The following ACTR10 variants were observed in gnomAD, a reference collection of about 807,000 sequenced individuals.
The protein encoded by ACTR10 is actin related protein 10, also known as actin-related protein 10.
ACTR10 carries 43 observed loss-of-function variants against 56.2 expected under a neutral mutation model. The observed-to-expected ratio is 0.77, with a 90% CI of 0.60 to 0.99. ACTR10 has a LOEUF of 0.99. ACTR10 is among the 50% of genes least tolerant of loss of function. The probability of loss-of-function intolerance (pLI) is 0.00; values close to 1 mark genes in which losing one functional copy is unlikely to be tolerated. For missense variants in ACTR10, 466 were observed against 507.8 expected (o/e 0.92, Z 0.79); for synonymous variants, 170 against 176.3 (o/e 0.96, Z 0.28).
In ACTR10 at chr14:58,209,048, G is replaced by C; in HGVS notation, c.283G>C (p.Val95Leu). ...CCGCCGAGTTGTGATTATCGAATCG[G>C]TATTATGTCCTTCTCACTTCAGAGA... ...RDRRVVIIES[V>L]LCPSHFRETL... The change falls in exon 4 of 13, where the codon GTA (valine) becomes CTA (leucine). Residue 95 changes from valine (V) to leucine (L), a missense_variant. Val to Leu is a conservative substitution (Grantham distance 32). Coordinates refer to ENST00000254286, the MANE Select transcript of ACTR10 (RefSeq NM_018477.3). The C allele has an allele frequency of 6.2e-7, 1 of 1,612,538 alleles. No individual in the cohort carries two copies. Among genetic ancestry groups the C allele is most frequent in the Non-Finnish European group, 8.5e-7 (1 of 1,179,194 alleles).
Position 58,208,026 on chromosome 14 carries a change from A to G in ACTR10, c.233+8A>G. On this transcript the variant is annotated splice_region_variant and intron_variant, in intron 3 of 12. Coordinates refer to ENST00000254286, the MANE Select transcript of ACTR10 (RefSeq NM_018477.3). ...CCACATACTATATTTCAGGTAAGAT[A>G]CATTTTGTTTTCTAGCTTTTATGAT... The G allele has an allele frequency of 2.0e-6, 3 of 1,503,374 alleles. No homozygotes were observed. Among genetic ancestry groups the G allele is most frequent in the Non-Finnish European group, 1.8e-6 (2 of 1,133,556 alleles). 93.1% of individuals were successfully genotyped at this position (1,503,374 alleles called of 1,614,324 possible). A position where few individuals can be genotyped will look rare whatever the true frequency, so the allele number is the denominator to read the frequency against.
intron 2 of ACTR10, among the ~76,000 whole-genome samples, chr14:58,204,183 C>T (rs1010473307): frequency 6.6e-6 from 1 of 150,730 alleles, no homozygotes; most frequent in Non-Finnish European, 1.5e-5. Context: ...AGATCGAGAC[C>T]ATCCTGGCTA....
chr14:58,213,842 A>G, intron 6 of ACTR10, 144 bp downstream of exon 6: 1 of 591,076 alleles, frequency 1.7e-6, no homozygotes, highest in Non-Finnish European at 2.8e-6. Context: ...CTTCGAGTAT[A>G]TTCATTTTTT....
rs1198727665 is a variant in ACTR10 at position 58,232,313 on chromosome 14, C to G, written c.1072+46C>G. ...ATATAATGATTATATAGTATTTGGT[C>G]TCTGAATGACACTATTAATGGATAT... is the stretch of plus-strand genomic sequence containing the variant. On this transcript the variant is annotated intron_variant, in intron 12 of 12. Coordinates refer to ENST00000254286, the MANE Select transcript of ACTR10 (RefSeq NM_018477.3). 4.2e-6 allele frequency: 6 copies of G among 1,443,290 alleles called. No individual in the cohort carries two copies. The African/African-American group carries it at 8.6e-5, about 21-fold the overall frequency. The allele number at this position is 1,443,290 out of a possible 1,614,324, so 89.4% of individuals were successfully genotyped here. A position where few individuals can be genotyped will look rare whatever the true frequency, so the allele number is the denominator to read the frequency against.
intron 7 of ACTR10, among the ~76,000 whole-genome samples, chr14:58,216,509 T>G (rs1266349002): frequency 6.6e-6 from 1 of 152,210 alleles, no homozygotes; most frequent in African/African-American, 2.4e-5. Context: ...AAATCCAAAT[T>G]ATCTGTTGGA....
chr14:58,223,782 G>T lies in ACTR10; in HGVS notation c.715-1G>T. ...TTATGTTTATGATATTTATATTTCA[G>T]CGTCCCTCCCCACCCCCAAATGTTG... On this transcript the variant is annotated splice_acceptor_variant, in intron 9 of 12. Transcript: ENST00000254286. LOFTEE classifies it high-confidence loss of function. 1 of 1,612,330 alleles carries T rather than the reference G, an allele frequency of 6.2e-7. No homozygotes were observed. The highest frequency in any genetic ancestry group is 8.5e-7 in the Non-Finnish European group (1 of 1,178,996).
chr14:58,200,245 G>A lies in ACTR10; in HGVS notation c.28G>A (p.Gly10Ser). Residue 10 changes from glycine to serine, a missense_variant, in exon 1 of 13, where the codon GGC (glycine) becomes AGC (serine). Physicochemically the swap from Gly to Ser is moderately conservative, Grantham distance 56. Coordinates refer to ENST00000254286, the MANE Select transcript of ACTR10 (RefSeq NM_018477.3). Reference sequence around the variant, plus strand: ...GCCGCTCTACGAGGGCCTGGGGAGCGGCGGGGAGAAGACGGCGGTCGTGAT... The same window carrying A: ...GCCGCTCTACGAGGGCCTGGGGAGCAGCGGGGAGAAGACGGCGGTCGTGAT... MPLYEGLGS[G>S]GEKTAVVIDL... 2.6e-6 allele frequency: 4 copies of A among 1,520,706 alleles called. No homozygotes were observed. Among genetic ancestry groups the A allele is most frequent in the Non-Finnish European group, 3.5e-6 (4 of 1,137,140 alleles). The allele number at this position is 1,520,706 out of a possible 1,614,324, so 94.2% of individuals were successfully genotyped here.
intron 7 of ACTR10, among the ~76,000 whole-genome samples, chr14:58,219,010 A>AAG (rs1220377470): frequency 2.0e-5 from 3 of 152,026 alleles, no homozygotes; most frequent in African/African-American, 7.2e-5. Context: ...AGTAGAGACG[A>AAG]GGTTTCTCCA....
chr14:58,201,259 ATTG>A (rs1888697542), intron 1 of ACTR10, among the ~76,000 whole-genome samples: 2 of 152,170 alleles, frequency 1.3e-5, no homozygotes, highest in South Asian at 2.1e-4. Context: ...ACATTCTCTT[ATTG>A]TTCTATGCGA....
intron 10 of ACTR10, among the ~76,000 whole-genome samples, chr14:58,226,994 GTTAT>G (rs1434084574): frequency 6.6e-6 from 1 of 152,086 alleles, no homozygotes; most frequent in African/African-American, 2.4e-5. Context: ...CAAAAAAAGG[GTTAT>G]TTAAAGGAAA....
intron 4 of ACTR10, chr14:58,210,941 C>T: frequency 5.7e-6 from 1 of 175,234 alleles, no homozygotes; most frequent in South Asian, 1.2e-4. Flanking sequence ...TCCCAAAGTG[C>T]TGGGATTACA....
chr14:58,207,861 A>T, intron 2 of ACTR10, 75 bp from the exon 3 acceptor site: 1 of 886,378 alleles, frequency 1.1e-6, no homozygotes, highest in Non-Finnish European at 1.5e-6. Context: ...ATGTATTAGT[A>T]AATAATTACA....
chr14:58,200,347 G>C (rs1888675555), intron 1 of ACTR10, 53 bp downstream of exon 1: 1 of 1,428,592 alleles, frequency 7.0e-7, no homozygotes. Context: ...GCGGGTGGCA[G>C]AGCCCCAGGC....
chr14:58,216,269 C>T (rs1260224389), intron 7 of ACTR10, among the ~76,000 whole-genome samples: 3 of 152,068 alleles, frequency 2.0e-5, no homozygotes, highest in Non-Finnish European at 4.4e-5. Flanking sequence ...GGACTACAGG[C>T]GCAAGCCACC....
At chr14:58,201,031 T>C (rs1888692850) in intron 1 of ACTR10, among the ~76,000 whole-genome samples, 1 of 152,242 alleles carries the variant, frequency 6.6e-6, no homozygotes, top group Non-Finnish European at 1.5e-5. Context: ...TTAAGAGTCC[T>C]TGTGATGGGC....
intron 2 of ACTR10, among the ~76,000 whole-genome samples, chr14:58,204,164 G>A (rs1300645187): frequency 6.6e-6 from 1 of 151,108 alleles, no homozygotes; most frequent in African/African-American, 2.4e-5. Context: ...GGCAGATCAC[G>A]AGGTCAGGAG....
intron 2 of ACTR10, among the ~76,000 whole-genome samples, chr14:58,206,320 C>G (rs1040946676): frequency 6.6e-6 from 1 of 151,086 alleles, no homozygotes; most frequent in Non-Finnish European, 1.5e-5. Context: ...GAATTACAGG[C>G]GCCCTCCACC....
At chr14:58,207,435 C>A (rs1477811692) in intron 2 of ACTR10, among the ~76,000 whole-genome samples, 1 of 152,052 alleles carries the variant, frequency 6.6e-6, no homozygotes, top group African/African-American at 2.4e-5. Context: ...AGTGATTCTC[C>A]TGCCTCAGTC....
chr14:58,200,178 C>G lies in ACTR10; in HGVS notation c.-40C>G. Reference sequence around the variant, plus strand: ...CGCGAGCGCCGAGACTTGTTGGCCGCGGAGACTGCGACCCTCTTCTCTCAG... The same window carrying G: ...CGCGAGCGCCGAGACTTGTTGGCCGGGGAGACTGCGACCCTCTTCTCTCAG... On this transcript the variant is annotated 5_prime_UTR_variant, in exon 1 of 13. Transcript: ENST00000254286. 1 of 1,444,090 alleles carries G rather than the reference C, an allele frequency of 6.9e-7. No individual in the cohort carries two copies. The highest frequency in any genetic ancestry group is 1.5e-5 in the South Asian group (1 of 68,318). 89.5% of individuals were successfully genotyped at this position (1,444,090 alleles called of 1,614,324 possible).
Sources: gnomAD v4.1 joint callset for allele counts (sites outside exome capture counted in the v4.1 genomes callset) on GRCh38, gnomAD v4.1.1 for gene constraint, MANE v1.5 for transcripts, NCBI Gene and HGNC (gene_info 2026-07-23, HGNC 2026-07-21) for gene names.